Variants in TUSC3 observed in about 807,000 individuals in gnomAD.
The protein encoded by TUSC3 is tumor suppressor candidate 3.
Under a neutral mutation model 44.8 loss-of-function variants are expected in TUSC3, and 45 were observed. The observed-to-expected ratio is 1.00, with a 90% CI of 0.79 to 1.29. The LOEUF (loss-of-function observed/expected upper bound fraction) is 1.29. Ranked by LOEUF, TUSC3 falls within the 50% of genes most tolerant of loss-of-function variation. The pLI is 0.00. For missense variants in TUSC3, 519 were observed against 437.9 expected (o/e 1.19, Z -1.65); for synonymous variants, 212 against 152.9 (o/e 1.39, Z -2.85).
intron 1 of TUSC3, among the ~76,000 whole-genome samples, chr8:15,575,182 A>G (rs1429275136): frequency 6.6e-6 from 1 of 152,008 alleles, no homozygotes; most frequent in Non-Finnish European, 1.5e-5. Flanking sequence ...ATATAAACCT[A>G]TACTACTTTA....
chr8:15,436,391 T>C (rs919713194), intron 1 of TUSC3, among the ~76,000 whole-genome samples: 33 of 152,342 alleles, frequency 2.2e-4, no homozygotes, highest in African/African-American at 7.9e-4. Flanking sequence ...TAACCTGCCA[T>C]AGTTCTAAAT....
chr8:15,715,045 C>G (rs1184022495), intron 6 of TUSC3, among the ~76,000 whole-genome samples: 1 of 152,108 alleles, frequency 6.6e-6, no homozygotes, highest in Non-Finnish European at 1.5e-5. Context: ...AAACAAGTTA[C>G]TTAACCTTTT....
At chr8:15,484,614 G>C (rs1331978245) in intron 2 of TUSC3, among the ~76,000 whole-genome samples, 2 of 152,200 alleles carry the variant, frequency 1.3e-5, no homozygotes, top group South Asian at 2.1e-4. Flanking sequence ...TGAGTACCTT[G>C]CTCTTCACAA....
chr8:15,555,866 A>G (rs141992257), intron 1 of TUSC3, among the ~76,000 whole-genome samples: 3 of 151,584 alleles, frequency 2.0e-5, no homozygotes, highest in Non-Finnish European at 4.4e-5. Context: ...ATTTTATGAA[A>G]TATAAGCCAA....
At chr8:15,669,363 TA>T (rs1218898183) in intron 5 of TUSC3, among the ~76,000 whole-genome samples, 1 of 151,610 alleles carries the variant, frequency 6.6e-6, no homozygotes, top group Non-Finnish European at 1.5e-5. Flanking sequence ...TTTCTGTGAA[TA>T]AAAAAAGAGG....
intron 2 of TUSC3, among the ~76,000 whole-genome samples, chr8:15,505,751 A>AT (rs200879739): frequency 4.5e-4 from 69 of 151,988 alleles, no homozygotes; most frequent in African/African-American, 1.6e-3. Flanking sequence ...GTTAAAATGT[A>AT]TTTTTTTTCT....
chr8:15,793,726 TTTA>T, the TUSC3 span, among the ~76,000 whole-genome samples: 2 of 152,186 alleles, frequency 1.3e-5, no homozygotes, highest in Non-Finnish European at 2.9e-5. Flanking sequence ...CTTTTGGGGT[TTTA>T]TTATTGTTTT....
intron 2 of TUSC3, among the ~76,000 whole-genome samples, chr8:15,627,083 A>C (rs1805545128): frequency 6.6e-6 from 1 of 152,222 alleles, no homozygotes; most frequent in African/African-American, 2.4e-5. Flanking sequence ...CTGGCCCATA[A>C]AAACCTCAGA....
the TUSC3 span, among the ~76,000 whole-genome samples, chr8:15,826,482 C>A: frequency 1.1e-4 from 16 of 152,098 alleles, no homozygotes; most frequent in African/African-American, 1.9e-4. Flanking sequence ...TATATTGCAA[C>A]TATTTAGAGA....
intron 1 of TUSC3, among the ~76,000 whole-genome samples, chr8:15,565,812 G>T (rs923845399): frequency 6.6e-6 from 1 of 152,084 alleles, no homozygotes; most frequent in Non-Finnish European, 1.5e-5. Flanking sequence ...GGATGGCAGA[G>T]CAGCCATCAG....
At chr8:15,565,166 C>CTTTTTTTTTTTTTT (rs374023591) in intron 1 of TUSC3, among the ~76,000 whole-genome samples, 2 of 141,652 alleles carry the variant, frequency 1.4e-5, no homozygotes, top group South Asian at 2.2e-4. Flanking sequence ...TGAGGGGAGC[C>CTTTTTTTTTTTTTT]TTTTTTTTTT....
rs541757255 is a variant in TUSC3, at chr8:15,532,855, C to T, written n.189+49372C>T. Among the ~76,000 whole-genome samples the T allele has an allele frequency of 7.9e-5, 12 of 152,230 alleles. No individual in the cohort carries two copies. In the South Asian group the frequency reaches 1.5e-3, roughly 18 times the overall value. ...TTGCCCAGGCTGGAGTGCAATGGCA[C>T]GATCTCCGCTCACTGCAACCTCCAC... On this transcript the variant is annotated intron_variant and non_coding_transcript_variant, in intron 2 of 5. Coordinates refer to the TUSC3 transcript ENST00000503191.
At chr8:15,533,481 G>C (rs1314799812) in intron 2 of TUSC3, among the ~76,000 whole-genome samples, 2 of 152,096 alleles carry the variant, frequency 1.3e-5, no homozygotes, top group African/African-American at 4.8e-5. Flanking sequence ...ATATTGCTAG[G>C]GTGAAATTCA....
chr8:15,742,967 C>G (rs1389003001), intron 7 of TUSC3, among the ~76,000 whole-genome samples: 1 of 152,184 alleles, frequency 6.6e-6, no homozygotes, highest in Non-Finnish European at 1.5e-5. Flanking sequence ...CTTAAGGTAT[C>G]AGTTAGCTGA....
At chr8:15,769,756 A>C (rs1183551982), downstream of TUSC3, among the ~76,000 whole-genome samples, 2 of 152,208 alleles carry the variant, frequency 1.3e-5, no homozygotes, top group African/African-American at 4.8e-5. Flanking sequence ...AAAGTGGGCA[A>C]AGGATATGAA....
intron 2 of TUSC3, among the ~76,000 whole-genome samples, chr8:15,487,182 T>A (rs1410410082): frequency 1.3e-5 from 2 of 152,232 alleles, no homozygotes; most frequent in Non-Finnish European, 2.9e-5. Flanking sequence ...GTTCTTTATA[T>A]TTTTCTTCTT....
At position 15,600,173 on chromosome 8, in the gene TUSC3, A is replaced by G. The variant is rs538593804; in HGVS notation, c.139-22907A>G. Among the ~76,000 whole-genome samples, 4 of 151,812 alleles carry G rather than the reference A, an allele frequency of 2.6e-5. No individual in the cohort carries two copies. The East Asian group carries it at 7.7e-4, about 29-fold the overall frequency. On this transcript the variant is annotated intron_variant, in intron 1 of 10. Transcript: ENST00000503731. ...TATTTTATAAGCATTTGTTTGTCCT[A>G]TAAAATTCTAATTCATTTTCCAAAT...
chr8:15,523,706 G>GTATATA (rs1554509643), intron 2 of TUSC3, among the ~76,000 whole-genome samples: 1 of 112,858 alleles, frequency 8.9e-6, no homozygotes, highest in African/African-American at 4.0e-5. Context: ...GTGTGTGTGT[G>GTATATA]TGTATATATA....
chr8:15,457,798 A>C (rs1201778988), intron 1 of TUSC3, among the ~76,000 whole-genome samples: 2 of 128,178 alleles, frequency 1.6e-5, no homozygotes, highest in Non-Finnish European at 3.2e-5. Context: ...ATCTAATCTA[A>C]AATAAAATAA....
Sources: allele counts gnomAD v4.1 joint callset (sites outside exome capture counted in the v4.1 genomes callset), GRCh38; gene constraint gnomAD v4.1.1; transcripts MANE v1.5; gene names NCBI Gene and HGNC (gene_info 2026-07-23, HGNC 2026-07-21).